Variants in GEMIN2 observed in about 807,000 individuals in gnomAD.
The protein encoded by GEMIN2 is gem nuclear organelle associated protein 2, also known as gem-associated protein 2.
In GEMIN2, 37 loss-of-function variants were observed where a neutral mutation model predicts 45.8. That is an observed-to-expected ratio of 0.81 (90% CI 0.62 to 1.06). GEMIN2 has a LOEUF of 1.06. GEMIN2 is among the 50% of genes least tolerant of loss of function. The pLI is 0.00. For synonymous variants in GEMIN2, 101 were observed against 111.5 expected, an observed-to-expected ratio of 0.91 and a Z score of 0.60; for missense variants, 335 against 321.8, an observed-to-expected ratio of 1.04 and a Z score of -0.31.
intron 7 of GEMIN2, among the ~76,000 whole-genome samples, chr14:39,129,345 A>C (rs2052685681): frequency 6.6e-6 from 1 of 152,146 alleles, no homozygotes; most frequent in South Asian, 2.1e-4. Context: ...CATTTCTCAG[A>C]ATATATCTCC....
intron 7 of GEMIN2, 74 bp downstream of exon 7, chr14:39,128,422 AC>A: frequency 1.3e-6 from 1 of 748,962 alleles, no homozygotes. Flanking sequence ...GGCCACATAT[AC>A]AATGGTGCTC....
chr14:39,116,123 CCT>C (rs2052502746), intron 2 of GEMIN2, among the ~76,000 whole-genome samples: 1 of 151,860 alleles, frequency 6.6e-6, no homozygotes, highest in South Asian at 2.1e-4. Context: ...ACAACCTCTG[CCT>C]CTCAGGTTCA....
chr14:39,132,690 T>TTTTTTTTTC (rs2052733402), intron 8 of GEMIN2, among the ~76,000 whole-genome samples: 1 of 136,142 alleles, frequency 7.3e-6, no homozygotes, highest in Non-Finnish European at 1.6e-5. Flanking sequence ...TTTTTTTCTT[T>TTTTTTTTTC]TATTGTGAGA....
chr14:39,118,714 C>A, intron 4 of GEMIN2, 115 bp downstream of exon 4: 5 of 526,694 alleles, frequency 9.5e-6, no homozygotes, highest in African/African-American at 1.9e-5. Flanking sequence ...TCATTCTCTT[C>A]AATATACCAT....
chr14:39,133,042 T>TTA lies in GEMIN2; in HGVS notation c.712-609_712-608dup, dbSNP rs530543430. Among the ~76,000 whole-genome samples the TTA allele has an allele frequency of 2.6e-3, 373 of 144,014 alleles. 2 individuals are homozygous for TTA. The highest frequency in any genetic ancestry group is 0.022 in the Middle Eastern group (6 of 272). 94.5% of individuals were successfully genotyped at this position (144,014 alleles called of 152,430 possible). On this transcript the variant is annotated intron_variant, in intron 8 of 9. Transcript: ENST00000308317. Reference sequence around the variant, plus strand: ...TGTGTGTGTGTATATATATATATCTTTATATATATATCTTTATATAATTCA... The same window carrying TTA: ...TGTGTGTGTGTATATATATATATCTTTATATATATATATCTTTATATAATTCA...
intron 5 of GEMIN2, among the ~76,000 whole-genome samples, chr14:39,123,708 A>ATATATATATATATATTT (rs1555333787): frequency 2.7e-5 from 1 of 37,696 alleles, no homozygotes; most frequent in Non-Finnish European, 4.3e-5. Context: ...ATATATATAT[A>ATATATATATATATATTT]TTTTTTTTTT....
At chr14:39,120,149 A>G (rs184927758) in intron 4 of GEMIN2, among the ~76,000 whole-genome samples, 1 of 152,336 alleles carries the variant, frequency 6.6e-6, no homozygotes, top group East Asian at 1.9e-4. Context: ...TCAATAAACT[A>G]TGGTCCATCA....
chr14:39,131,200 G>A (rs2052710694), intron 7 of GEMIN2, among the ~76,000 whole-genome samples: 1 of 151,950 alleles, frequency 6.6e-6, no homozygotes, highest in Non-Finnish European at 1.5e-5. Flanking sequence ...AGGATGCTGA[G>A]ACAGGAGAAT....
intron 8 of GEMIN2, among the ~76,000 whole-genome samples, chr14:39,132,570 T>C (rs774818203): frequency 7.3e-5 from 11 of 151,320 alleles, no homozygotes; most frequent in Non-Finnish European, 1.6e-4. Context: ...TTTACTAAGA[T>C]GGCAGTAACC....
intron 5 of GEMIN2, among the ~76,000 whole-genome samples, chr14:39,124,666 G>A (rs117314475): frequency 0.054 from 8,222 of 152,026 alleles, 476 homozygotes; most frequent in East Asian, 0.29. Context: ...CTAGCTACTC[G>A]TGAGGCTGAG....
intron 8 of GEMIN2, among the ~76,000 whole-genome samples, chr14:39,132,373 A>C (rs533259508): frequency 9.5e-4 from 145 of 152,104 alleles, no homozygotes; most frequent in African/African-American, 3.0e-3. Context: ...TCTACTAAAA[A>C]TACAAAATTT....
intron 6 of GEMIN2, among the ~76,000 whole-genome samples, chr14:39,127,603 G>A (rs1201891734): frequency 6.6e-6 from 1 of 151,400 alleles, no homozygotes; most frequent in Non-Finnish European, 1.5e-5. Flanking sequence ...GCCTCCCAAA[G>A]TGCTGAGATT....
rs1479550783 is a variant in GEMIN2 at position 39,114,447 on chromosome 14, A to T, written c.109A>T (p.Thr37Ser). The T allele has an allele frequency of 6.2e-7, 1 of 1,613,642 alleles. No homozygotes were observed. The highest frequency in any genetic ancestry group is 1.7e-5 in the Admixed American group (1 of 60,012). ...TTTCGATCCCTCGGTACCCCCGAGG[A>T]CGCCTCAGGAATACCTGAGGCGGGT... ...EGFDPSVPPR[T>S]PQEYLRRVQI... The change falls in exon 1 of 10, where the codon ACG (threonine) becomes TCG (serine). Residue 37 changes from threonine (T) to serine (S), a missense_variant. Transcript: ENST00000308317.
chr14:39,131,781 C>A, intron 7 of GEMIN2, 177 bp from the exon 8 acceptor site: 1 of 524,168 alleles, frequency 1.9e-6, no homozygotes, highest in Non-Finnish European at 3.4e-6. Context: ...TTATAGGATA[C>A]AAGAGATAAC....
intron 2 of GEMIN2, among the ~76,000 whole-genome samples, chr14:39,115,521 A>T (rs1459996475): frequency 1.4e-5 from 2 of 138,966 alleles, no homozygotes; most frequent in South Asian, 4.5e-4. Flanking sequence ...CAGTGGTGCG[A>T]TCTCAGCTCA....
chr14:39,122,599 TA>T, intron 5 of GEMIN2, 56 bp downstream of exon 5: 11 of 896,554 alleles, frequency 1.2e-5, no homozygotes, highest in Non-Finnish European at 1.6e-5. Context: ...GTGCACCACT[TA>T]ATATAAGGGG....
intron 7 of GEMIN2, 110 bp from the exon 8 acceptor site, chr14:39,131,848 G>A (rs1334287058): frequency 1.6e-6 from 1 of 627,820 alleles, no homozygotes; most frequent in Non-Finnish European, 2.8e-6. Context: ...ATAGTTAAAT[G>A]TTCTATGAAT....
In GEMIN2 at chr14:39,128,388, A is replaced by G. The variant is rs998370405; in HGVS notation, c.600+40A>G. 9 of 1,140,078 alleles carry G rather than the reference A, an allele frequency of 7.9e-6. No homozygotes were observed. The East Asian group carries it at 2.1e-4, about 27-fold the overall frequency. The allele number at this position is 1,140,078 out of a possible 1,614,324, so 70.6% of individuals were successfully genotyped here. A position where few individuals can be genotyped will look rare whatever the true frequency, so the allele number is the denominator to read the frequency against. On this transcript the variant is annotated intron_variant, in intron 7 of 9. Transcript: ENST00000308317. ...TTTTCTTTTCATAATGTAGGCAAAAATTAGACGTTTTGGGTCAACTGTGGG... is the reference window on the plus strand; with the variant it reads ...TTTTCTTTTCATAATGTAGGCAAAAGTTAGACGTTTTGGGTCAACTGTGGG...
intron 6 of GEMIN2, among the ~76,000 whole-genome samples, chr14:39,127,089 T>TC (rs71435606): frequency 7.2e-4 from 95 of 132,222 alleles, no homozygotes; most frequent in East Asian, 6.1e-3. Flanking sequence ...TACAAATACA[T>TC]CTTTTTTTTT....
Sources: allele counts gnomAD v4.1 joint callset (sites outside exome capture counted in the v4.1 genomes callset), GRCh38; gene constraint gnomAD v4.1.1; transcripts MANE v1.5; gene names NCBI Gene and HGNC (gene_info 2026-07-23, HGNC 2026-07-21).